Variants in CCNB3 observed in about 807,000 individuals in gnomAD.
CCNB3 encodes G2/mitotic-specific cyclin-B3.
A neutral mutation model predicts 68.0 loss-of-function variants in CCNB3; 12 were observed. The observed-to-expected ratio is 0.18, with a 90% confidence interval of 0.11 to 0.29. The LOEUF is 0.29. Among genes scored for constraint, CCNB3 ranks in the 10% least tolerant of loss-of-function variants. The pLI is 1.00. For missense variants in CCNB3, 904 were observed against 993.1 expected (o/e 0.91, Z 1.21); for synonymous variants, 354 against 388.9 (o/e 0.91, Z 1.06).
At position 50,308,673 on chromosome X, in the gene CCNB3, T is replaced by C; in HGVS notation, c.504T>C (p.Asp168=). ...LVLKEEPTIE[D]ETLINKSLSL... is the part of the protein sequence containing the mutation. ...TAAAGGAGGAACCCACTATTGAGGA[T>C]GAAACCCTTATCAATAAGTCATTAT... is the stretch of plus-strand genomic sequence containing the variant. The change falls in exon 6 of 13, where the codon GAT becomes GAC. Residue 168 remains aspartate, a synonymous_variant. Coordinates refer to ENST00000376042, the MANE Select transcript of CCNB3 (RefSeq NM_033031.3). 8.3e-7 allele frequency: 1 copy of C among 1,210,947 alleles called. No homozygotes were observed. The highest frequency in any genetic ancestry group is 1.1e-6 in the Non-Finnish European group (1 of 894,982).
chrX:50,279,725 AAT>A (rs1309353385), intron 1 of CCNB3, among the ~76,000 whole-genome samples: 150 of 90,602 alleles, frequency 1.7e-3, no homozygotes, highest in South Asian at 2.5e-3. Context: ...CATATATGTA[AAT>A]ATATATGATT....
In CCNB3 at chrX:50,308,973, T is replaced by G; in HGVS notation, c.804T>G (p.Phe268Leu). The G allele has an allele frequency of 8.3e-7, 1 of 1,211,046 alleles. No homozygotes were observed. Among genetic ancestry groups the G allele is most frequent in the Non-Finnish European group, 1.1e-6 (1 of 894,850 alleles). Residue 268 changes from phenylalanine to leucine, a missense_variant, in exon 6 of 13, where the codon TTT becomes TTG. By Grantham distance (22) the Phe-to-Leu change is conservative (BLOSUM62 0). Coordinates refer to ENST00000376042, the MANE Select transcript of CCNB3 (RefSeq NM_033031.3). ...CCTTCTTTATGGAGTCAATGAGTTT[T>G]AAGAAGAAGCCTAAAACTGAGGAGT... Reference protein sequence around the residue: ...EDSFFMESMSFKKKPKTEESI... With the variant: ...EDSFFMESMSLKKKPKTEESI...
At chrX:50,219,576 G>A (rs2146985252) in intron 1 of CCNB3, among the ~76,000 whole-genome samples, 1 of 110,919 alleles carries the variant, frequency 9.0e-6, no homozygotes, top group African/African-American at 3.3e-5. Flanking sequence ...AGATCAGATG[G>A]TTGTAGATGT....
intron 1 of CCNB3, among the ~76,000 whole-genome samples, chrX:50,227,232 A>C (rs1218452759): frequency 1.2e-5 from 1 of 82,915 alleles, no homozygotes; most frequent in African/African-American, 4.7e-5. Context: ...ATATATATAT[A>C]AATATATATA....
chrX:50,342,252 G>A lies in CCNB3; in HGVS notation c.3567G>A (p.Val1189=). The change falls in exon 9 of 13, where the codon GTG becomes GTA. Residue 1189 remains valine, a synonymous_variant. Transcript: ENST00000376042. ...HETLYLAVKL[V]DLYLMKAVCK... is the part of the protein sequence containing the mutation. ...CCCTGTACTTGGCAGTGAAGCTGGT[G>A]GATCTCTACCTAATGAAGGCAGTAT... 8.3e-7 allele frequency: 1 copy of A among 1,210,034 alleles called. No individual in the cohort carries two copies. The highest frequency in any genetic ancestry group is 1.1e-6 in the Non-Finnish European group (1 of 894,414).
chrX:50,213,236 A>G (rs1476139447), intron 1 of CCNB3, among the ~76,000 whole-genome samples: 1 of 112,131 alleles, frequency 8.9e-6, no homozygotes, highest in Non-Finnish European at 1.9e-5. Flanking sequence ...ACATCTTTCC[A>G]TTTATTTAGG....
intron 3 of CCNB3, among the ~76,000 whole-genome samples, chrX:50,287,333 C>G (rs1341427944): frequency 1.8e-5 from 2 of 110,935 alleles, no homozygotes; most frequent in African/African-American, 6.6e-5. Flanking sequence ...ATATTCATCC[C>G]CCTTCCCTTC....
rs1004856231 is a variant in CCNB3, at chrX:50,304,598, G to T, written c.336-3907G>T. ...CATTCAGGACATAGGCATGGGCAAG[G>T]ACTTCATGTCTAAAACACCAAAAGC... On this transcript the variant is annotated intron_variant, in intron 5 of 12. Coordinates refer to ENST00000376042, the MANE Select transcript of CCNB3 (RefSeq NM_033031.3). Among the ~76,000 whole-genome samples, 7 of 111,794 alleles carry T rather than the reference G, an allele frequency of 6.3e-5. No individual in the cohort carries two copies. The East Asian group carries it at 2.0e-3, about 31-fold the overall frequency.
intron 4 of CCNB3, among the ~76,000 whole-genome samples, 166 bp from the exon 5 acceptor site, chrX:50,294,697 T>C (rs1936415987): frequency 1.8e-5 from 2 of 111,667 alleles, no homozygotes; most frequent in African/African-American, 6.5e-5. Context: ...GTTGGCCCAC[T>C]GCCATACTGG....
upstream of CCNB3, among the ~76,000 whole-genome samples, chrX:50,203,292 C>A (rs1557205045): frequency 1.8e-5 from 2 of 112,203 alleles, no homozygotes; most frequent in African/African-American, 6.5e-5. Flanking sequence ...ATATAATTAT[C>A]ATGAATAATG....
Position 50,310,863 on chromosome X carries a change from G to T in CCNB3, c.2694G>T (p.Leu898Phe). ...KETIFKESLD[L>F]QEKPSIKKET... ...CCATCTTCAAGGAGTCTTTGGACTT[G>T]CAAGAGAAGCCCAGCATTAAGAAAG... is the stretch of plus-strand genomic sequence containing the variant. The change falls in exon 6 of 13, where the codon TTG becomes TTT. Residue 898 changes from leucine to phenylalanine, a missense_variant. By Grantham distance (22) the Leu-to-Phe change is conservative. Transcript: ENST00000376042. 1 of 1,211,895 alleles carries T rather than the reference G, an allele frequency of 8.3e-7. No individual in the cohort carries two copies. The highest frequency in any genetic ancestry group is 1.1e-6 in the Non-Finnish European group (1 of 895,556).
In CCNB3 at chrX:50,310,492, G is replaced by A. The variant is rs782779246; in HGVS notation, c.2323G>A (p.Glu775Lys). ...QLALNETINE[E>K]EFLNKQPLAL... is the part of the protein sequence containing the mutation. ...GGCTTTGAATGAGACCATCAATGAA[G>A]AGGAGTTCCTTAATAAGCAGCCACT... The change falls in exon 6 of 13, where the codon GAG becomes AAG. Residue 775 changes from glutamate (E) to lysine (K), a missense_variant. By Grantham distance (56) the Glu-to-Lys change is moderately conservative (BLOSUM62 1). This residue lies in a region of CCNB3 where 619 missense variants were observed against 609.8 expected (regional missense o/e 1.02). Coordinates refer to ENST00000376042, the MANE Select transcript of CCNB3 (RefSeq NM_033031.3). 8.3e-6 allele frequency: 10 copies of A among 1,209,984 alleles called. No homozygotes were observed. In the South Asian group the frequency reaches 1.8e-4, roughly 21 times the overall value.
At chrX:50,213,153 C>G (rs1935509442) in intron 1 of CCNB3, among the ~76,000 whole-genome samples, 1 of 111,901 alleles carries the variant, frequency 8.9e-6, no homozygotes. Flanking sequence ...TAGGGATTGT[C>G]TTGATTCTGT....
At chrX:50,208,075 G>T (rs797028190) in intron 1 of CCNB3, among the ~76,000 whole-genome samples, 1 of 112,117 alleles carries the variant, frequency 8.9e-6, no homozygotes, top group Non-Finnish European at 1.9e-5. Flanking sequence ...ATGAGCTGTA[G>T]CAACATGTGT....
At chrX:50,333,928 A>G (rs1432831239) in intron 8 of CCNB3, among the ~76,000 whole-genome samples, 1 of 111,448 alleles carries the variant, frequency 9.0e-6, no homozygotes, top group East Asian at 2.8e-4. Flanking sequence ...TTGATATTTT[A>G]TGTCCTTTCC....
At chrX:50,301,283 T>G (rs1315528213) in intron 5 of CCNB3, among the ~76,000 whole-genome samples, 1 of 111,649 alleles carries the variant, frequency 9.0e-6, no homozygotes, top group East Asian at 2.8e-4. Flanking sequence ...CTTTGGTCTT[T>G]GGTGATGGTG....
chrX:50,287,823 G>A (rs1411504213), intron 3 of CCNB3, among the ~76,000 whole-genome samples: 1 of 110,802 alleles, frequency 9.0e-6, no homozygotes, highest in African/African-American at 3.3e-5. Flanking sequence ...GAACCCAACT[G>A]TACAGCAGGA....
At chrX:50,313,213 T>C (rs781983951) in intron 7 of CCNB3, among the ~76,000 whole-genome samples, 4 of 111,225 alleles carry the variant, frequency 3.6e-5, no homozygotes, top group Non-Finnish European at 7.5e-5. Flanking sequence ...ACCAAGATTA[T>C]CTACCAAGCA....
intron 3 of CCNB3, among the ~76,000 whole-genome samples, chrX:50,286,951 G>A (rs1936252447): frequency 8.9e-6 from 1 of 112,339 alleles, no homozygotes; most frequent in African/African-American, 3.2e-5. Flanking sequence ...TCGGGCTCCA[G>A]CTCTTTTAAG....
Sources: gnomAD v4.1 joint callset for allele counts (sites outside exome capture counted in the v4.1 genomes callset) on GRCh38, gnomAD v4.1.1 for gene constraint, gnomAD v4.1.1 regional missense constraint, MANE v1.5 for transcripts, NCBI Gene and HGNC (gene_info 2026-07-23, HGNC 2026-07-21) for gene names.